Variants in MYO1F observed in about 807,000 individuals in gnomAD.
MYO1F encodes the protein unconventional myosin-If.
A neutral mutation model predicts 146.6 loss-of-function variants in MYO1F; 60 were observed. The observed-to-expected ratio is 0.41, with a 90% CI of 0.33 to 0.51. MYO1F has a LOEUF of 0.51. Among genes scored for constraint, MYO1F ranks in the 20% least tolerant of loss-of-function variants. The probability of loss-of-function intolerance (pLI) is 0.25; values close to 1 mark genes in which losing one functional copy is unlikely to be tolerated. For missense variants in MYO1F, 1,274 were observed against 1,534.3 expected (o/e 0.83, Z 2.83); for synonymous variants, 602 against 602.1 (o/e 1.00, Z 0.00).
chr19:8,546,448 C>T (rs1377797030), intron 12 of MYO1F, among the ~76,000 whole-genome samples: 2 of 151,880 alleles, frequency 1.3e-5, no homozygotes, highest in Non-Finnish European at 2.9e-5. Context: ...CAACCTTGAC[C>T]TCCAGGGTTC....
intron 27 of MYO1F, 134 bp downstream of exon 27, chr19:8,522,243 C>G (rs972049880): frequency 1.2e-5 from 13 of 1,112,020 alleles, no homozygotes; most frequent in Non-Finnish European, 1.5e-5. Flanking sequence ...AGGATGGTCT[C>G]GATCTCCTGA....
intron 1 of MYO1F, among the ~76,000 whole-genome samples, chr19:8,574,669 CTCTT>C (rs200409055): frequency 0.021 from 2,749 of 133,306 alleles, 63 homozygotes; most frequent in Admixed American, 0.037. Context: ...TCTTCTTTCT[CTCTT>C]TCTTTCTTTC....
At chr19:8,576,110 C>T (rs977671694) in intron 1 of MYO1F, among the ~76,000 whole-genome samples, 2 of 152,206 alleles carry the variant, frequency 1.3e-5, no homozygotes, top group Non-Finnish European at 2.9e-5. Flanking sequence ...TATTCTCTTG[C>T]CTCAGCCTCA....
intron 1 of MYO1F, among the ~76,000 whole-genome samples, chr19:8,566,755 C>G (rs2042012007): frequency 6.6e-6 from 1 of 151,374 alleles, no homozygotes. Flanking sequence ...CTCAAGTGAT[C>G]CACCCGCCTC....
intron 13 of MYO1F, 89 bp from the exon 14 acceptor site, chr19:8,544,553 G>C: frequency 7.2e-7 from 1 of 1,394,258 alleles, no homozygotes; most frequent in East Asian, 2.4e-5. Flanking sequence ...GGGAGGGAGG[G>C]GGTGGAGGAG....
intron 19 of MYO1F, among the ~76,000 whole-genome samples, chr19:8,533,609 G>A (rs55705253): frequency 1.3e-5 from 2 of 151,288 alleles, no homozygotes; most frequent in African/African-American, 4.9e-5. Context: ...CGCCTGCCTC[G>A]GCCTCCCAAA....
intron 1 of MYO1F, among the ~76,000 whole-genome samples, chr19:8,566,412 C>T (rs2042005692): frequency 6.6e-6 from 1 of 151,844 alleles, no homozygotes; most frequent in African/African-American, 2.4e-5. Flanking sequence ...CATGATCCAC[C>T]CGCCTCGGCC....
chr19:8,535,542 T>C (rs1043811830), intron 19 of MYO1F, among the ~76,000 whole-genome samples: 2 of 152,116 alleles, frequency 1.3e-5, no homozygotes, highest in East Asian at 1.9e-4. Context: ...AGCACTGATA[T>C]TACAGGCATG....
Position 8,527,448 on chromosome 19 carries a change from A to T in MYO1F, c.2364T>A (p.Cys788Ter). ...IKRDLILTPK[C>*]VYVIGREKVK... ...CTTTCTCTCGCCCAATCACATACAC[A>T]CACTTGGGCGTCAGGATCAAGTCCC... Residue 788 changes from cysteine to a stop codon, truncating the protein, a stop_gained, in exon 22 of 28, where the codon TGT (cysteine) becomes TGA (stop). Transcript: ENST00000644032. LOFTEE classifies it high-confidence loss of function. 6.2e-7 allele frequency: 1 copy of T among 1,613,896 alleles called. No homozygotes were observed. Among genetic ancestry groups the T allele is most frequent in the South Asian group, 1.1e-5 (1 of 91,044 alleles).
intron 12 of MYO1F, among the ~76,000 whole-genome samples, chr19:8,546,151 G>C (rs911155136): frequency 9.0e-5 from 12 of 133,220 alleles, no homozygotes; most frequent in Non-Finnish European, 1.4e-4. Context: ...CGCAACCTCC[G>C]CCTCCCGAGT....
chr19:8,522,123 T>C lies in MYO1F; in HGVS notation c.3220+254A>G, dbSNP rs370499673. Among the ~76,000 whole-genome samples, 486 of 149,194 alleles carry C rather than the reference T, an allele frequency of 3.3e-3. 5 individuals are homozygous for C. The highest frequency in any genetic ancestry group is 0.011 in the African/African-American group (430 of 40,806). On this transcript the variant is annotated intron_variant, in intron 27 of 27. Transcript: ENST00000644032. The stretch of plus-strand genomic sequence containing the variant: ...CTGCAAGCTCCGCCTCCCGGGTTCA[T>C]GCCATTCTCCTGCCTCAGCCTCCCG...
In MYO1F at chr19:8,523,543, G is replaced by C. The variant is rs886319324; in HGVS notation, c.2855-714C>G. ...TTATAATTTTTAAAGTAGAGATGGG[G>C]TCTCACTATGTTGCTCAGGCTGGTC... On this transcript the variant is annotated intron_variant, in intron 25 of 27. Coordinates refer to ENST00000644032, the MANE Select transcript of MYO1F (RefSeq NM_012335.4). Among the ~76,000 whole-genome samples, 12 of 151,896 alleles carry C rather than the reference G, an allele frequency of 7.9e-5. 1 individual carries two copies. The highest frequency in any genetic ancestry group is 2.0e-4 in the Admixed American group (3 of 15,228).
rs185021865 is a variant in MYO1F at position 8,556,835 on chromosome 19, C to T, written c.4-1039G>A. ...CTGGGAGACAGAGGTTGCAGTGAGC[C>T]GAGATTGTGCCATTGCACTCCAGCC... On this transcript the variant is annotated intron_variant, in intron 1 of 27. Transcript: ENST00000644032. Among the ~76,000 whole-genome samples, 375 of 142,266 alleles carry T rather than the reference C, an allele frequency of 2.6e-3. 2 individuals are homozygous for T. The highest frequency in any genetic ancestry group is 4.5e-3 in the Admixed American group (59 of 13,058). 93.3% of individuals were successfully genotyped at this position (142,266 alleles called of 152,430 possible). A position where few individuals can be genotyped will look rare whatever the true frequency, so the allele number is the denominator to read the frequency against.
chr19:8,527,321 TA>T lies in MYO1F; in HGVS notation c.2474+16del, dbSNP rs1599914816. 1.2e-6 allele frequency: 2 copies of T among 1,613,378 alleles called. No individual in the cohort carries two copies. The highest frequency in any genetic ancestry group is 4.5e-5 in the East Asian group (2 of 44,880). On this transcript the variant is annotated intron_variant, in intron 22 of 27. Coordinates refer to ENST00000644032, the MANE Select transcript of MYO1F (RefSeq NM_012335.4). ...CAGGTGAGAGTGACTGTGCGGCAGG[TA>T]AGGACCTGGCTTCACCTGAGGGAGA...
At chr19:8,526,748 G>A in intron 23 of MYO1F, 41 bp downstream of exon 23, 5 of 1,573,426 alleles carry the variant, frequency 3.2e-6, no homozygotes, top group Middle Eastern at 2.1e-4. Context: ...GCGCCGCGCC[G>A]AGACCACCCC....
At chr19:8,550,491 G>A in intron 9 of MYO1F, 71 bp downstream of exon 9, 3 of 1,612,764 alleles carry the variant, frequency 1.9e-6, no homozygotes, top group South Asian at 1.1e-5. Context: ...GCTTCCTGGG[G>A]GCTGAGCTAG....
At chr19:8,553,504 C>A in intron 4 of MYO1F, 67 bp from the exon 5 acceptor site, 3 of 1,298,750 alleles carry the variant, frequency 2.3e-6, no homozygotes, top group African/African-American at 2.9e-5. Flanking sequence ...CCTGACCATT[C>A]ATTCATTGAG....
intron 19 of MYO1F, among the ~76,000 whole-genome samples, chr19:8,534,403 G>A (rs1039700999): frequency 6.6e-6 from 1 of 151,524 alleles, no homozygotes; most frequent in African/African-American, 2.4e-5. Context: ...TGCCTCCCAG[G>A]TTCGAGCAAT....
At chr19:8,555,590 C>T in intron 2 of MYO1F, 69 bp downstream of exon 2, 1 of 1,606,214 alleles carries the variant, frequency 6.2e-7, no homozygotes, top group Non-Finnish European at 8.5e-7. Context: ...CCTTCACCCT[C>T]CTCTCCGTCC....
Sources: gnomAD v4.1 joint callset for allele counts (sites outside exome capture counted in the v4.1 genomes callset) on GRCh38, gnomAD v4.1.1 for gene constraint, MANE v1.5 for transcripts, NCBI Gene and HGNC (gene_info 2026-07-23, HGNC 2026-07-21) for gene names.